Variants in MYO16 observed in about 807,000 individuals in gnomAD.
MYO16 encodes unconventional myosin-XVI.
In MYO16, 94 loss-of-function variants were observed where a neutral mutation model predicts 205.3. The observed-to-expected ratio is 0.46, with a 90% CI of 0.39 to 0.54. MYO16 has a LOEUF of 0.54. MYO16 is among the 20% of genes least tolerant of loss of function. The pLI, the probability that MYO16 is intolerant of heterozygous loss-of-function variation, is 0.00. For missense variants in MYO16, 2,315 were observed against 2,387.5 expected, an observed-to-expected ratio of 0.97 and a Z score of 0.63; for synonymous variants, 988 against 954.0, an observed-to-expected ratio of 1.04 and a Z score of -0.66.
chr13:108,940,440 A>T (rs1882677327), intron 16 of MYO16, among the ~76,000 whole-genome samples: 1 of 152,174 alleles, frequency 6.6e-6, no homozygotes. Flanking sequence ...CTCTATGTGC[A>T]TTCCAATTAG....
chr13:108,640,887 C>A (rs2139377826), intron 1 of MYO16, among the ~76,000 whole-genome samples: 1 of 152,326 alleles, frequency 6.6e-6, no homozygotes. Context: ...ATAGAACACA[C>A]AACATCATGG....
chr13:108,965,003 T>C (rs1883736285), intron 20 of MYO16, 101 bp downstream of exon 20: 1 of 1,129,486 alleles, frequency 8.9e-7, no homozygotes. Flanking sequence ...AACCAATAAG[T>C]TAAACTTCAT....
chr13:108,507,872 A>G, the MYO16 span, among the ~76,000 whole-genome samples: 1 of 152,090 alleles, frequency 6.6e-6, no homozygotes, highest in African/African-American at 2.4e-5. Flanking sequence ...GATGACTTCA[A>G]ATGACTTATC....
At chr13:109,160,772 CTT>C (rs2139865377) in intron 32 of MYO16, among the ~76,000 whole-genome samples, 1 of 152,304 alleles carries the variant, frequency 6.6e-6, no homozygotes. Context: ...GTCTTGATGA[CTT>C]TGTTTGCACT....
intron 18 of MYO16, 33 bp downstream of exon 18, chr13:108,961,689 C>G: frequency 6.6e-7 from 1 of 1,504,896 alleles, no homozygotes; most frequent in South Asian, 1.1e-5. Context: ...ACATTAACCA[C>G]ATTGATGTGC....
chr13:108,618,738 A>G (rs1879435946), intron 1 of MYO16, among the ~76,000 whole-genome samples: 1 of 152,170 alleles, frequency 6.6e-6, no homozygotes, highest in Admixed American at 6.5e-5. Context: ...AATGCTTCTG[A>G]GTTACCTTAG....
intron 12 of MYO16, among the ~76,000 whole-genome samples, chr13:108,871,019 A>G (rs1442080029): frequency 6.6e-6 from 1 of 152,178 alleles, no homozygotes; most frequent in Non-Finnish European, 1.5e-5. Context: ...GTAGAAATAT[A>G]AACCGAATTA....
the MYO16 span, among the ~76,000 whole-genome samples, chr13:108,538,875 C>T: frequency 6.6e-6 from 1 of 152,102 alleles, no homozygotes; most frequent in African/African-American, 2.4e-5. Flanking sequence ...GATCTGGCCA[C>T]TGGTGTCTGT....
chr13:109,063,472 T>G (rs1887652331), intron 27 of MYO16, among the ~76,000 whole-genome samples: 1 of 152,178 alleles, frequency 6.6e-6, no homozygotes, highest in African/African-American at 2.4e-5. Context: ...GGACTTACTG[T>G]GTCCTCCTGT....
At position 109,118,009 on chromosome 13, in the gene MYO16, C is replaced by G. The variant is rs142258390; in HGVS notation, c.3439-2361C>G. On this transcript the variant is annotated intron_variant, in intron 28 of 34. Coordinates refer to ENST00000457511, the MANE Select transcript of MYO16 (RefSeq NM_001198950.3). The stretch of plus-strand genomic sequence containing the variant: ...TCATCTGTGTCCACATAACTGTACC[C>G]TCAGATGGTTTGCTGTCTTCTGGTT... Among the ~76,000 whole-genome samples, 10 of 152,262 alleles carry G rather than the reference C, an allele frequency of 6.6e-5. No individual in the cohort carries two copies. The East Asian group carries it at 1.7e-3, about 26-fold the overall frequency.
rs548608274 is a variant in MYO16 at position 108,667,330 on chromosome 13, T to G, written c.292+1181T>G. Among the ~76,000 whole-genome samples, 410 of 151,314 alleles carry G rather than the reference T, an allele frequency of 2.7e-3. 2 individuals carry two copies. Among genetic ancestry groups the G allele is most frequent in the Admixed American group, 5.6e-3 (85 of 15,200 alleles). On this transcript the variant is annotated intron_variant, in intron 2 of 34. Coordinates refer to ENST00000457511, the MANE Select transcript of MYO16 (RefSeq NM_001198950.3). ...GAGAATTTCTGTTTTGTTTTTTTTT[T>G]TTTTTTGTCTTAAACTGCAATGACA... is the stretch of plus-strand genomic sequence containing the variant.
intron 1 of MYO16, chr13:108,659,266 A>C (rs1302439665): frequency 5.7e-6 from 1 of 175,148 alleles, no homozygotes; most frequent in African/African-American, 2.5e-5. Flanking sequence ...ATATATATAT[A>C]TCATATATAT....
At chr13:109,138,016 A>T (rs1388907719) in intron 31 of MYO16, among the ~76,000 whole-genome samples, 1 of 152,224 alleles carries the variant, frequency 6.6e-6, no homozygotes, top group African/African-American at 2.4e-5. Flanking sequence ...ACTAGGGTAG[A>T]GGAGGGCAGG....
intron 23 of MYO16, among the ~76,000 whole-genome samples, chr13:109,026,361 A>G (rs1012801935): frequency 3.3e-5 from 5 of 152,128 alleles, no homozygotes; most frequent in Non-Finnish European, 5.9e-5. Context: ...GAAGGAGGCC[A>G]TGTGACCACG....
chr13:108,843,496 T>C (rs979514177), intron 9 of MYO16, among the ~76,000 whole-genome samples: 1 of 92,076 alleles, frequency 1.1e-5, no homozygotes, highest in Admixed American at 1.5e-4. Flanking sequence ...CTCAAACAAA[T>C]AGAAGTTTAA....
At chr13:108,548,591 G>A in the MYO16 span, among the ~76,000 whole-genome samples, 279 of 152,074 alleles carry the variant, frequency 1.8e-3, no homozygotes, top group African/African-American at 6.6e-3. Flanking sequence ...GGTGGTGGTG[G>A]TGGTGATAGT....
intron 4 of MYO16, among the ~76,000 whole-genome samples, chr13:108,776,192 CT>C (rs35266249): frequency 0.34 from 51,262 of 152,018 alleles, 9,883 homozygotes; most frequent in East Asian, 0.63. Flanking sequence ...GGACACTTAC[CT>C]TTTTCACAAC....
At chr13:108,922,276 G>T (rs1481049862) in intron 16 of MYO16, among the ~76,000 whole-genome samples, 1 of 145,470 alleles carries the variant, frequency 6.9e-6, no homozygotes, top group African/African-American at 2.6e-5. Context: ...AAAGAGGACT[G>T]CAGAGCCCTG....
intron 1 of MYO16, among the ~76,000 whole-genome samples, chr13:108,633,341 T>C (rs1371481984): frequency 6.6e-6 from 1 of 152,118 alleles, no homozygotes; most frequent in Non-Finnish European, 1.5e-5. Context: ...TCCCAAAATA[T>C]CAAAAGTAGG....
Sources: allele counts gnomAD v4.1 joint callset (sites outside exome capture counted in the v4.1 genomes callset), GRCh38; gene constraint gnomAD v4.1.1; transcripts MANE v1.5; gene names NCBI Gene and HGNC (gene_info 2026-07-23, HGNC 2026-07-21).